P4HB: variants seen among roughly 807,000 people sequenced by gnomAD.
P4HB encodes the protein prolyl 4-hydroxylase subunit beta.
Under a neutral mutation model 52.6 loss-of-function variants are expected in P4HB, and 20 were observed. The ratio of observed to expected loss-of-function variants is 0.38; its 90% CI spans 0.27 to 0.55. The LOEUF (loss-of-function observed/expected upper bound fraction) is 0.55. P4HB is among the 20% of genes least tolerant of loss of function. The probability of loss-of-function intolerance (pLI) is 0.74; values close to 1 mark genes in which losing one functional copy is unlikely to be tolerated. For synonymous variants in P4HB, 296 were observed against 277.9 expected (o/e 1.07, Z -0.65); for missense variants, 601 against 669.2 (o/e 0.90, Z 1.12).
chr17:81,855,162 C>A lies in P4HB; in HGVS notation c.604G>T (p.Gly202Trp). Reference sequence around the variant, plus strand: ...CTCACCTTCTTAAAGAGGACAACCCCATCTTTGTCGAGCTGGTATTTGGAG... The same window carrying A: ...CTCACCTTCTTAAAGAGGACAACCCAATCTTTGTCGAGCTGGTATTTGGAG... ...VFSKYQLDKD[G>W]VVLFKKFDEG... is the part of the protein sequence containing the mutation. The change falls in exon 4 of 11, where the codon GGG becomes TGG. Residue 202 changes from glycine to tryptophan, a missense_variant. Physicochemically the swap from Gly to Trp is radical, Grantham distance 184. Transcript: ENST00000331483. This position sits in a 1 kb window ranked among gnomAD's most constrained non-coding sequence, Gnocchi z 4.3. The A allele has an allele frequency of 6.2e-7, 1 of 1,614,088 alleles. No individual in the cohort carries two copies. The highest frequency in any genetic ancestry group is 1.1e-5 in the South Asian group (1 of 91,086).
intron 9 of P4HB, 122 bp downstream of exon 9, chr17:81,845,439 C>T: frequency 9.9e-7 from 1 of 1,014,208 alleles, no homozygotes; most frequent in Non-Finnish European, 1.4e-6. Context: ...TCTGAAGGAG[C>T]TCCCACAGCT....
intron 2 of P4HB, chr17:81,858,863 G>C (rs1397801196): frequency 8.9e-6 from 3 of 335,390 alleles, no homozygotes; most frequent in African/African-American, 6.3e-5. Context: ...GGAACAGGGG[G>C]CAGCACAAAC....
At chr17:81,859,492 C>T (rs372653369) in intron 1 of P4HB, 105 bp from the exon 2 acceptor site, 1 of 985,484 alleles carries the variant, frequency 1.0e-6, no homozygotes. Flanking sequence ...TTCATAAAAA[C>T]CTTATCTACT....
chr17:81,858,402 C>T (rs1273633314), intron 2 of P4HB, among the ~76,000 whole-genome samples: 1 of 151,830 alleles, frequency 6.6e-6, no homozygotes, highest in Non-Finnish European at 1.5e-5. Flanking sequence ...GAGAGGCAAC[C>T]ACGGAGTTGC....
chr17:81,853,764 C>T (rs1452011188), intron 4 of P4HB, among the ~76,000 whole-genome samples: 3 of 152,090 alleles, frequency 2.0e-5, no homozygotes, highest in African/African-American at 7.2e-5. Context: ...GCCCTCCTGC[C>T]CCTCACTCCC....
intron 4 of P4HB, 162 bp from the exon 5 acceptor site, chr17:81,847,509 TC>T (rs1345710572): frequency 1.5e-6 from 1 of 650,252 alleles, no homozygotes; most frequent in Non-Finnish European, 2.8e-6. Flanking sequence ...TGGCTGTTCC[TC>T]GACAGTAAGA....
intron 1 of P4HB, chr17:81,859,705 C>T: frequency 5.0e-6 from 2 of 400,148 alleles, no homozygotes; most frequent in South Asian, 5.2e-5. Context: ...GCAAGGATCT[C>T]CCCTAGACTT....
At chr17:81,853,104 T>C (rs966174341) in intron 4 of P4HB, among the ~76,000 whole-genome samples, 1 of 152,142 alleles carries the variant, frequency 6.6e-6, no homozygotes, top group Non-Finnish European at 1.5e-5. Flanking sequence ...TGTCTCCTGG[T>C]AAAGAGCATC....
At chr17:81,845,472 AG>A in intron 9 of P4HB, 88 bp downstream of exon 9, 1 of 1,310,406 alleles carries the variant, frequency 7.6e-7, no homozygotes, top group Non-Finnish European at 1.0e-6. Context: ...GACTAGCCCC[AG>A]GCTCCTTCCA....
intron 4 of P4HB, among the ~76,000 whole-genome samples, chr17:81,851,656 T>G (rs1427740646): frequency 6.6e-6 from 1 of 152,144 alleles, no homozygotes; most frequent in Non-Finnish European, 1.5e-5. Flanking sequence ...CCCCCACCCC[T>G]GCAGAACAAT....
At chr17:81,853,066 C>G (rs1008360779) in intron 4 of P4HB, among the ~76,000 whole-genome samples, 1 of 152,250 alleles carries the variant, frequency 6.6e-6, no homozygotes, top group Non-Finnish European at 1.5e-5. Context: ...TTTAGCAACT[C>G]TCTTCCCTTC....
At position 81,847,362 on chromosome 17, in the gene P4HB, A is replaced by T. The variant is rs1338053881; in HGVS notation, c.625-15T>A. On this transcript the variant is annotated splice_polypyrimidine_tract_variant and intron_variant, in intron 4 of 10. Transcript: ENST00000331483. ...CCTTCATCAAACTGTGGACAGAAAG[A>T]GGGCCCTGACTGAGCATTGCTGCTG... 1 of 1,605,376 alleles carries T rather than the reference A, an allele frequency of 6.2e-7. No individual in the cohort carries two copies. The highest frequency in any genetic ancestry group is 8.5e-7 in the Non-Finnish European group (1 of 1,172,030).
intron 1 of P4HB, chr17:81,859,739 G>A (rs1312069587): frequency 3.1e-6 from 1 of 323,446 alleles, no homozygotes. Context: ...ACAGACAAAA[G>A]TGAAGAAGTG....
intron 4 of P4HB, among the ~76,000 whole-genome samples, chr17:81,853,675 T>C (rs1018111469): frequency 6.6e-6 from 1 of 152,102 alleles, no homozygotes; most frequent in Admixed American, 6.5e-5. Context: ...GTTTGGCTTA[T>C]GATGCTGCTG....
rs546652214 is a variant in P4HB, at chr17:81,846,766, G to T, written c.856-137C>A. The T allele has an allele frequency of 3.4e-5, 41 of 1,189,656 alleles. No individual in the cohort carries two copies. Among genetic ancestry groups the T allele is most frequent in the Admixed American group, 5.6e-5 (3 of 53,248 alleles). 73.7% of individuals were successfully genotyped at this position (1,189,656 alleles called of 1,614,324 possible). On this transcript the variant is annotated intron_variant, in intron 6 of 10. Coordinates refer to ENST00000331483, the MANE Select transcript of P4HB (RefSeq NM_000918.4). This position sits in a 1 kb window ranked among gnomAD's most constrained non-coding sequence, Gnocchi z 5.7. Reference sequence around the variant, plus strand: ...ATTCCGGGGTTGCCCAACCAGACCAGCAGGTGACTGGGAGCAGAGGTCTGG... The same window carrying T: ...ATTCCGGGGTTGCCCAACCAGACCATCAGGTGACTGGGAGCAGAGGTCTGG...
chr17:81,846,830 T>C lies in P4HB; in HGVS notation c.855+117A>G. ...TCGCCTACATCCAGGCTGTCCTGAA[T>C]CAGGTGCCCGATCCAGTCCAGCAGG... On this transcript the variant is annotated intron_variant, in intron 6 of 10. Transcript: ENST00000331483. This position sits in a 1 kb window ranked among gnomAD's most constrained non-coding sequence, Gnocchi z 5.7. 1 of 1,372,604 alleles carries C rather than the reference T, an allele frequency of 7.3e-7. No individual in the cohort carries two copies. Among genetic ancestry groups the C allele is most frequent in the Non-Finnish European group, 1.0e-6 (1 of 984,562 alleles). The allele number at this position is 1,372,604 out of a possible 1,614,324, so 85.0% of individuals were successfully genotyped here.
At chr17:81,859,889 G>A (rs2038971317) in intron 1 of P4HB, 1 of 179,282 alleles carries the variant, frequency 5.6e-6, no homozygotes, top group Non-Finnish European at 1.2e-5. Flanking sequence ...TCCCACCCCA[G>A]GGACAGAGCT....
chr17:81,851,830 A>T (rs2038835865), intron 4 of P4HB, among the ~76,000 whole-genome samples: 1 of 152,238 alleles, frequency 6.6e-6, no homozygotes, highest in South Asian at 2.1e-4. Context: ...TGGTCCACTT[A>T]GCAGGGCACA....
At chr17:81,848,886 A>T (rs887212972) in intron 4 of P4HB, among the ~76,000 whole-genome samples, 52 of 151,580 alleles carry the variant, frequency 3.4e-4, no homozygotes, top group African/African-American at 1.2e-3. Context: ...CTCTACCAAA[A>T]ATACAAAAAT....
Sources: gnomAD v4.1 joint callset for allele counts (sites outside exome capture counted in the v4.1 genomes callset) on GRCh38, gnomAD v4.1.1 for gene constraint, Gnocchi (gnomAD v3.1) non-coding constraint, MANE v1.5 for transcripts, NCBI Gene and HGNC (gene_info 2026-07-23, HGNC 2026-07-21) for gene names.